The following ESRRG variants were observed in gnomAD, a reference collection of about 807,000 sequenced individuals.
ESRRG encodes estrogen-related receptor gamma.
A neutral mutation model predicts 44.0 loss-of-function variants in ESRRG; 13 were observed. The observed-to-expected ratio is 0.30, with a 90% CI of 0.19 to 0.47. ESRRG has a LOEUF of 0.47. Among genes scored for constraint, ESRRG ranks in the 20% least tolerant of loss-of-function variants. ESRRG has a pLI of 1.00. For synonymous variants in ESRRG, 215 were observed against 214.6 expected (o/e 1.00, Z -0.02); for missense variants, 395 against 580.6 (o/e 0.68, Z 3.29).
intron 5 of ESRRG, among the ~76,000 whole-genome samples, chr1:216,541,654 C>T (rs1470410312): frequency 6.7e-6 from 1 of 148,754 alleles, no homozygotes; most frequent in Non-Finnish European, 1.5e-5. Flanking sequence ...AGATGAGGGA[C>T]ATATAAAGAG....
chr1:217,124,730 G>C (rs1008759766), intron 1 of ESRRG, among the ~76,000 whole-genome samples: 27 of 152,162 alleles, frequency 1.8e-4, no homozygotes, highest in African/African-American at 6.0e-4. Flanking sequence ...GGCTTAGGTA[G>C]CTCACTGAAA....
chr1:217,020,323 C>T (rs73101206), intron 1 of ESRRG, among the ~76,000 whole-genome samples: 1,748 of 152,304 alleles, frequency 0.011, 29 homozygotes, highest in African/African-American at 0.034. Flanking sequence ...AAAATACTCA[C>T]TTGTCCATCA....
chr1:216,883,771 AG>A (rs1193513639), intron 2 of ESRRG, among the ~76,000 whole-genome samples: 1 of 152,164 alleles, frequency 6.6e-6, no homozygotes, highest in East Asian at 1.9e-4. Context: ...AGTCAGTTCC[AG>A]GTAGTTACTG....
chr1:216,923,138 G>A lies in ESRRG; in HGVS notation c.-14+16444C>T, dbSNP rs117022055. On this transcript the variant is annotated intron_variant, in intron 2 of 7. Coordinates refer to the ESRRG transcript ENST00000359162. Reference sequence around the variant, plus strand: ...TTTTGGCTACAGTGGCTTGCAATTCGTTAAAATCAACAAAGCCTTTTCATT... The same window carrying A: ...TTTTGGCTACAGTGGCTTGCAATTCATTAAAATCAACAAAGCCTTTTCATT... Among the ~76,000 whole-genome samples, 396 of 152,238 alleles carry A rather than the reference G, an allele frequency of 2.6e-3. 7 individuals carry two copies. In the East Asian group the frequency reaches 0.041, roughly 16 times the overall value.
chr1:216,586,234 T>C (rs2063769990), intron 3 of ESRRG, among the ~76,000 whole-genome samples: 1 of 152,160 alleles, frequency 6.6e-6, no homozygotes, highest in Non-Finnish European at 1.5e-5. Context: ...TGAAGTTACC[T>C]GGGTCTCAGT....
intron 1 of ESRRG, among the ~76,000 whole-genome samples, chr1:216,711,898 G>A (rs1275785361): frequency 6.6e-6 from 1 of 152,166 alleles, no homozygotes. Flanking sequence ...TGAATCATAT[G>A]AAATTACTGA....
chr1:216,980,759 C>T (rs1396558042), intron 1 of ESRRG, among the ~76,000 whole-genome samples: 1 of 152,182 alleles, frequency 6.6e-6, no homozygotes, highest in Non-Finnish European at 1.5e-5. Flanking sequence ...CACTGCATGG[C>T]ATACAATGTC....
intron 2 of ESRRG, among the ~76,000 whole-genome samples, chr1:216,931,351 T>A (rs1351222921): frequency 6.6e-6 from 1 of 152,208 alleles, no homozygotes; most frequent in African/African-American, 2.4e-5. Flanking sequence ...ACCCTTTGTG[T>A]AAAATAAGAG....
intron 1 of ESRRG, among the ~76,000 whole-genome samples, chr1:216,706,387 G>A (rs2082446959): frequency 6.6e-6 from 1 of 152,130 alleles, no homozygotes; most frequent in African/African-American, 2.4e-5. Context: ...TTGCATATAT[G>A]GAGTGGAAAA....
chr1:216,845,078 T>C (rs2095719651), intron 2 of ESRRG, among the ~76,000 whole-genome samples: 1 of 152,162 alleles, frequency 6.6e-6, no homozygotes. Context: ...TTTATTGTCT[T>C]ACTATTTTTT....
At chr1:216,872,303 T>A (rs898560078) in intron 2 of ESRRG, among the ~76,000 whole-genome samples, 3 of 152,198 alleles carry the variant, frequency 2.0e-5, no homozygotes, top group Non-Finnish European at 4.4e-5. Context: ...ACTGTTTGAT[T>A]TTCACTGAAC....
intron 5 of ESRRG, among the ~76,000 whole-genome samples, chr1:216,546,297 GA>G (rs751300298): frequency 3.9e-5 from 6 of 152,036 alleles, no homozygotes; most frequent in Non-Finnish European, 7.4e-5. Context: ...CTTCCTAAAT[GA>G]ATTATTCGTT....
intron 2 of ESRRG, among the ~76,000 whole-genome samples, chr1:216,731,165 A>C (rs2088688785): frequency 6.6e-6 from 1 of 152,178 alleles, no homozygotes; most frequent in Non-Finnish European, 1.5e-5. Flanking sequence ...GTGTTCAAAA[A>C]CGGTTCTTGT....
intron 1 of ESRRG, among the ~76,000 whole-genome samples, chr1:216,991,686 TGGG>T (rs2075742229): frequency 7.2e-6 from 1 of 138,788 alleles, no homozygotes; most frequent in Non-Finnish European, 1.5e-5. Context: ...TGGGATGGGA[TGGG>T]ATAGAATATT....
At chr1:216,941,758 G>T (rs779082137) in intron 1 of ESRRG, among the ~76,000 whole-genome samples, 25 of 152,114 alleles carry the variant, frequency 1.6e-4, no homozygotes, top group Non-Finnish European at 2.9e-4. Context: ...TACTAAGAAT[G>T]GGGGGAAAAA....
At chr1:216,602,101 A>G (rs1444426265) in intron 3 of ESRRG, among the ~76,000 whole-genome samples, 1 of 152,216 alleles carries the variant, frequency 6.6e-6, no homozygotes, top group Non-Finnish European at 1.5e-5. Flanking sequence ...TAAATTCCTC[A>G]ATTTTAAATA....
chr1:216,994,710 T>G (rs982503004), intron 1 of ESRRG, among the ~76,000 whole-genome samples: 4 of 151,648 alleles, frequency 2.6e-5, no homozygotes, highest in Non-Finnish European at 5.9e-5. Flanking sequence ...GCCTCCGGAG[T>G]AGCTGGGACT....
intron 1 of ESRRG, among the ~76,000 whole-genome samples, chr1:217,124,889 A>G (rs2092868662): frequency 6.6e-6 from 1 of 152,162 alleles, no homozygotes; most frequent in African/African-American, 2.4e-5. Context: ...GTGTAAAGAG[A>G]TGGTATATGA....
intron 2 of ESRRG, among the ~76,000 whole-genome samples, chr1:216,908,360 A>G (rs561407599): frequency 6.6e-6 from 1 of 152,296 alleles, no homozygotes; most frequent in East Asian, 1.9e-4. Flanking sequence ...CCTTATGTGT[A>G]CCCAAAGGAG....
Sources: gnomAD v4.1 joint callset for allele counts (sites outside exome capture counted in the v4.1 genomes callset) on GRCh38, gnomAD v4.1.1 for gene constraint, MANE v1.5 for transcripts, NCBI Gene and HGNC (gene_info 2026-07-23, HGNC 2026-07-21) for gene names.